WDR41: variants seen among roughly 807,000 people sequenced by gnomAD.
WDR41 encodes WD repeat-containing protein 41.
Under a neutral mutation model 69.3 loss-of-function variants are expected in WDR41, and 63 were observed. That is an observed-to-expected ratio of 0.91 (90% CI 0.74 to 1.12). The LOEUF (loss-of-function observed/expected upper bound fraction) is 1.12. Among genes scored for constraint, WDR41 ranks in the 50% most tolerant of loss-of-function variants. WDR41 has a pLI of 0.00. For synonymous variants in WDR41, 185 were observed against 192.1 expected (o/e 0.96, Z 0.31); for missense variants, 543 against 534.5 (o/e 1.02, Z -0.16).
intron 11 of WDR41, among the ~76,000 whole-genome samples, chr5:77,437,062 T>C (rs1244509993): frequency 6.6e-5 from 10 of 152,218 alleles, no homozygotes; most frequent in Non-Finnish European, 1.5e-4. Flanking sequence ...AATACTTCAT[T>C]AGGCCATTTG....
At chr5:77,570,973 T>C (rs1278756665) in intron 1 of WDR41, among the ~76,000 whole-genome samples, 2 of 151,426 alleles carry the variant, frequency 1.3e-5, no homozygotes, top group Non-Finnish European at 2.9e-5. Flanking sequence ...GTTCACAGTG[T>C]TTTATGAAAA....
chr5:77,529,357 G>A (rs1802491180), intron 1 of WDR41, among the ~76,000 whole-genome samples: 1 of 151,152 alleles, frequency 6.6e-6, no homozygotes, highest in South Asian at 2.1e-4. Context: ...AACTATTACT[G>A]ATAAAAAAAA....
intron 1 of WDR41, among the ~76,000 whole-genome samples, chr5:77,585,215 T>A (rs941221530): frequency 1.3e-5 from 2 of 151,454 alleles, no homozygotes; most frequent in Admixed American, 1.3e-4. Flanking sequence ...AAGAAACATA[T>A]TAAAAAATGC....
intron 1 of WDR41, among the ~76,000 whole-genome samples, chr5:77,529,080 A>G (rs746200564): frequency 7.3e-5 from 11 of 151,594 alleles, no homozygotes; most frequent in Non-Finnish European, 1.6e-4. Flanking sequence ...AATTGGAAAG[A>G]AAGAGATAAA....
chr5:77,518,640 C>T (rs549956685), intron 1 of WDR41, among the ~76,000 whole-genome samples: 2 of 152,170 alleles, frequency 1.3e-5, no homozygotes, highest in East Asian at 3.9e-4. Context: ...ATGAAAAATA[C>T]TATTTTCTTA....
intron 1 of WDR41, among the ~76,000 whole-genome samples, chr5:77,603,003 A>G (rs915288961): frequency 2.7e-5 from 4 of 150,730 alleles, no homozygotes; most frequent in South Asian, 2.1e-4. Flanking sequence ...CAGTGGCTCA[A>G]TCTCGACTCC....
chr5:77,521,720 T>C (rs1439297263), intron 1 of WDR41, among the ~76,000 whole-genome samples: 1 of 152,230 alleles, frequency 6.6e-6, no homozygotes, highest in African/African-American at 2.4e-5. Flanking sequence ...TCTTGACTGA[T>C]CACATTCCAT....
At chr5:77,453,554 G>A (rs558722431) in intron 6 of WDR41, among the ~76,000 whole-genome samples, 33 of 152,268 alleles carry the variant, frequency 2.2e-4, no homozygotes, top group Admixed American at 1.0e-3. Flanking sequence ...AGGTATCAGC[G>A]TGCTCACCAA....
chr5:77,481,124 C>T (rs114011077), intron 2 of WDR41, among the ~76,000 whole-genome samples: 3,409 of 151,790 alleles, frequency 0.022, 51 homozygotes, highest in Non-Finnish European at 0.034. Flanking sequence ...CAGGTTCTAA[C>T]GATTCTCCTG....
At chr5:77,438,504 C>T in intron 9 of WDR41, 143 bp from the exon 10 acceptor site, 3 of 1,186,794 alleles carry the variant, frequency 2.5e-6, no homozygotes, top group Non-Finnish European at 3.4e-6. Flanking sequence ...GTACTAATCT[C>T]TGAAACCCCA....
intron 1 of WDR41, among the ~76,000 whole-genome samples, chr5:77,576,350 CT>C (rs1205477452): frequency 6.6e-6 from 1 of 152,080 alleles, no homozygotes; most frequent in Non-Finnish European, 1.5e-5. Context: ...TCTCTGCTTC[CT>C]TTCACATTAA....
At chr5:77,461,117 T>C (rs779582640) in intron 4 of WDR41, among the ~76,000 whole-genome samples, 9 of 152,190 alleles carry the variant, frequency 5.9e-5, no homozygotes, top group South Asian at 4.1e-4. Flanking sequence ...GTCTTAGGAG[T>C]GGTCTAATAG....
intron 1 of WDR41, among the ~76,000 whole-genome samples, chr5:77,539,197 G>A (rs1223339720): frequency 3.3e-5 from 5 of 152,166 alleles, no homozygotes; most frequent in Non-Finnish European, 5.9e-5. Flanking sequence ...TCACACTGGG[G>A]ATAAGGGTTT....
chr5:77,495,849 C>G (rs904358733), upstream of WDR41, among the ~76,000 whole-genome samples: 2 of 151,846 alleles, frequency 1.3e-5, no homozygotes, highest in African/African-American at 2.4e-5. Flanking sequence ...CTTATGACTA[C>G]AGATGAAAAA....
chr5:77,514,201 C>A (rs1157561619), intron 1 of WDR41, among the ~76,000 whole-genome samples: 2 of 151,346 alleles, frequency 1.3e-5, no homozygotes, highest in Non-Finnish European at 3.0e-5. Context: ...TCCTACCAGT[C>A]TTTTTTTTTC....
chr5:77,510,299 G>C (rs1396932248), intron 1 of WDR41, among the ~76,000 whole-genome samples: 2 of 152,136 alleles, frequency 1.3e-5, no homozygotes. Context: ...ACTCTCACAA[G>C]AACAGCATGG....
chr5:77,513,898 A>G (rs151145152), intron 1 of WDR41, among the ~76,000 whole-genome samples: 1 of 150,882 alleles, frequency 6.6e-6, no homozygotes, highest in Non-Finnish European at 1.5e-5. Context: ...CCCTATGCAC[A>G]TGTCCACAGA....
At chr5:77,595,901 A>G in intron 1 of WDR41, among the ~76,000 whole-genome samples, 1 of 151,986 alleles carries the variant, frequency 6.6e-6, no homozygotes, top group Non-Finnish European at 1.5e-5. Context: ...TGGAATGTTT[A>G]TTTTTTTCTT....
chr5:77,460,206 A>C (rs1799990680), intron 4 of WDR41, among the ~76,000 whole-genome samples: 2 of 152,058 alleles, frequency 1.3e-5, no homozygotes, highest in Non-Finnish European at 1.5e-5. Flanking sequence ...TACTTAATGC[A>C]CCTCCCTTTC....
Sources: allele counts gnomAD v4.1 joint callset (sites outside exome capture counted in the v4.1 genomes callset), GRCh38; gene constraint gnomAD v4.1.1; transcripts MANE v1.5; gene names NCBI Gene and HGNC (gene_info 2026-07-23, HGNC 2026-07-21).